ATM: variants seen among roughly 807,000 people sequenced by gnomAD.
The protein encoded by ATM is ATM serine/threonine kinase, also known as serine-protein kinase ATM.
Under a neutral mutation model 387.0 loss-of-function variants are expected in ATM, and 308 were observed. The observed-to-expected ratio is 0.80, with a 90% CI of 0.73 to 0.87. The LOEUF (loss-of-function observed/expected upper bound fraction) is 0.87, where lower values mean the gene tolerates loss of function less well. ATM is among the 40% of genes least tolerant of loss of function. The pLI, the probability that ATM is intolerant of heterozygous loss-of-function variation, is 0.00. For missense variants in ATM, 3,312 were observed against 3,560.9 expected, an observed-to-expected ratio of 0.93 and a Z score of 1.78; for synonymous variants, 1,156 against 1,187.3, an observed-to-expected ratio of 0.97 and a Z score of 0.54.
At chr11:108,282,687 C>T (rs780920583) in intron 24 of ATM, 23 bp from the exon 25 acceptor site, 10 of 1,608,482 alleles carry the variant, frequency 6.2e-6, no homozygotes, top group Non-Finnish European at 7.7e-6. Context: ...TTTCTTAACA[C>T]ATTGACTTTT....
chr11:108,227,146 C>CT (rs1565342905), intron 1 of ATM: 1 of 159,124 alleles, frequency 6.3e-6, no homozygotes, highest in Non-Finnish European at 1.4e-5. Context: ...TCCTGAGTAG[C>CT]TGGGATTACA....
intron 16 of ATM, among the ~76,000 whole-genome samples, chr11:108,261,863 A>G (rs543432384): frequency 1.2e-4 from 18 of 152,306 alleles, no homozygotes; most frequent in African/African-American, 4.3e-4. Flanking sequence ...CGATGCGATC[A>G]ACTGGAAGAA....
chr11:108,268,266 G>T, intron 17 of ATM, 144 bp from the exon 18 acceptor site: 2 of 631,126 alleles, frequency 3.2e-6, no homozygotes, highest in East Asian at 2.9e-5. Context: ...AAAGACTTTT[G>T]AAGCTTTCAG....
At chr11:108,253,021 G>C in intron 12 of ATM, 109 bp downstream of exon 12, 1 of 1,016,074 alleles carries the variant, frequency 9.8e-7, no homozygotes, top group Non-Finnish European at 1.5e-6. Context: ...AACTAAATTG[G>C]TCCAAAAAAA....
At chr11:108,353,388 G>T (rs2089441069) in intron 59 of ATM, among the ~76,000 whole-genome samples, 1 of 152,138 alleles carries the variant, frequency 6.6e-6, no homozygotes, top group Admixed American at 6.6e-5. Context: ...GACCTCAGGT[G>T]TCAGGCCTCC....
At chr11:108,247,152 T>C (rs568940502) in intron 8 of ATM, 25 bp downstream of exon 8, 1 of 1,612,636 alleles carries the variant, frequency 6.2e-7, no homozygotes, top group South Asian at 1.1e-5. Context: ...TCATGTCACA[T>C]TTAGAAATTT....
Position 108,303,220 on chromosome 11 carries a change from G to C in ATM, c.5496+191G>C, listed in dbSNP as rs111405989. On this transcript the variant is annotated intron_variant, in intron 36 of 62. Coordinates refer to ENST00000675843, the MANE Select transcript of ATM (RefSeq NM_000051.4). The stretch of plus-strand genomic sequence containing the variant: ...TCAGCTTCGGGATAGCAACATACTA[G>C]AGGAGTTCTAAGGGGTGCCTTGAAT... Among the ~76,000 whole-genome samples, 7 of 152,222 alleles carry C rather than the reference G, an allele frequency of 4.6e-5. 1 individual carries two copies. The highest frequency in any genetic ancestry group is 1.7e-4 in the African/African-American group (7 of 41,558).
chr11:108,251,206 T>G lies in ATM; in HGVS notation c.1607+134T>G, dbSNP rs1220869561. On this transcript the variant is annotated intron_variant, in intron 10 of 62. Coordinates refer to ENST00000675843, the MANE Select transcript of ATM (RefSeq NM_000051.4). ...CAAATTCTATTTCAGATGCTTTTCT[T>G]GTTTGGCCGAGAAGACTTAATAAAT... 3 of 1,369,400 alleles carry G rather than the reference T, an allele frequency of 2.2e-6. No homozygotes were observed. In the African/African-American group the frequency reaches 4.3e-5, roughly 20 times the overall value. The allele number at this position is 1,369,400 out of a possible 1,614,324, so 84.8% of individuals were successfully genotyped here.
rs2079550775 is a variant in ATM at position 108,241,401 on chromosome 11, G to A, written c.497-2552G>A. Among the ~76,000 whole-genome samples, 5 of 152,210 alleles carry A rather than the reference G, an allele frequency of 3.3e-5. No individual in the cohort carries two copies. In the South Asian group the frequency reaches 1.0e-3, roughly 32 times the overall value. On this transcript the variant is annotated intron_variant, in intron 5 of 62. Transcript: ENST00000675843. Reference sequence around the variant, plus strand: ...TTAGTCATTTATTATCATTATCAAGGTTTATGTACTATACATGATTGTATG... The same window carrying A: ...TTAGTCATTTATTATCATTATCAAGATTTATGTACTATACATGATTGTATG...
At chr11:108,252,525 C>T (rs568188525) in intron 11 of ATM, among the ~76,000 whole-genome samples, 1 of 152,240 alleles carries the variant, frequency 6.6e-6, no homozygotes, top group African/African-American at 2.4e-5. Context: ...AGCAGACCTC[C>T]GAATGGATCC....
chr11:108,229,980 CAGTGA>C (rs2078931838), intron 4 of ATM: 1 of 152,322 alleles, frequency 6.6e-6, no homozygotes, highest in African/African-American at 2.4e-5. Flanking sequence ...CCACCATGCC[CAGTGA>C]AGGAATTAAA....
At chr11:108,327,082 C>A (rs1286782382) in intron 47 of ATM, among the ~76,000 whole-genome samples, 3 of 152,170 alleles carry the variant, frequency 2.0e-5, no homozygotes, top group Non-Finnish European at 4.4e-5. Flanking sequence ...CCCGCCTTGT[C>A]CTCTGAAAGT....
chr11:108,318,668 G>A (rs2084957470), intron 43 of ATM, among the ~76,000 whole-genome samples: 1 of 151,634 alleles, frequency 6.6e-6, no homozygotes, highest in East Asian at 1.9e-4. Context: ...CAGCCTGGGC[G>A]ACAGAGTGAG....
rs1565387848 is a variant in ATM, at chr11:108,252,871, CT to C, written c.1858del (p.Cys620ValfsTer5). On this transcript the variant is annotated frameshift_variant, in exon 12 of 63. Coordinates refer to ENST00000675843, the MANE Select transcript of ATM (RefSeq NM_000051.4). LOFTEE classifies it high-confidence loss of function. ...TTCTTGTGAGTCTCACTATGAAAAA[CT>C]GTAAAGCTGCAATGAATTTTTTCCA... The part of the protein sequence containing the change: ...KILVSLTMKN[C>X]KAAMNFFQSV... 6.2e-7 allele frequency: 1 copy of C among 1,613,002 alleles called. No individual in the cohort carries two copies. The highest frequency in any genetic ancestry group is 8.5e-7 in the Non-Finnish European group (1 of 1,179,354).
chr11:108,306,478 A>C (rs1485294811), intron 37 of ATM, among the ~76,000 whole-genome samples: 1 of 152,234 alleles, frequency 6.6e-6, no homozygotes, highest in Non-Finnish European at 1.5e-5. Context: ...ACATAGTTTA[A>C]GGTAATCATT....
At chr11:108,308,365 A>C (rs1189290872) in intron 38 of ATM, among the ~76,000 whole-genome samples, 1 of 152,082 alleles carries the variant, frequency 6.6e-6, no homozygotes, top group African/African-American at 2.4e-5. Flanking sequence ...AGTTGTGTAA[A>C]TGTCTTCTTT....
intron 7 of ATM, 40 bp downstream of exon 7, chr11:108,245,066 A>T (rs1162704096): frequency 6.8e-7 from 1 of 1,477,828 alleles, no homozygotes; most frequent in Non-Finnish European, 9.3e-7. Context: ...TTGCTTCTTC[A>T]TTCAAACATA....
chr11:108,314,046 C>A (rs992603503), intron 40 of ATM, among the ~76,000 whole-genome samples: 1 of 152,124 alleles, frequency 6.6e-6, no homozygotes, highest in African/African-American at 2.4e-5. Flanking sequence ...GAAAAATCCA[C>A]GACCTTTATT....
chr11:108,246,146 G>A (rs930655691), intron 7 of ATM, among the ~76,000 whole-genome samples: 1 of 152,076 alleles, frequency 6.6e-6, no homozygotes, highest in Non-Finnish European at 1.5e-5. Flanking sequence ...TTTATCAAAA[G>A]TAGCTGTGTA....
Sources: allele counts gnomAD v4.1 joint callset (sites outside exome capture counted in the v4.1 genomes callset), GRCh38; gene constraint gnomAD v4.1.1; transcripts MANE v1.5; gene names NCBI Gene and HGNC (gene_info 2026-07-23, HGNC 2026-07-21).